Variants in GTPBP1 observed in about 807,000 individuals in gnomAD.
The protein encoded by GTPBP1 is GTP-binding protein 1.
GTPBP1 carries 23 observed loss-of-function variants against 62.0 expected under a neutral mutation model. The ratio of observed to expected loss-of-function variants is 0.37; its 90% CI spans 0.27 to 0.53. The LOEUF is 0.53. Ranked by LOEUF, GTPBP1 falls within the 20% of genes least tolerant of loss-of-function variation. The probability of loss-of-function intolerance (pLI) is 0.89; values close to 1 mark genes in which losing one functional copy is unlikely to be tolerated. For missense variants in GTPBP1, 640 were observed against 917.3 expected, an observed-to-expected ratio of 0.70 and a Z score of 3.90; for synonymous variants, 344 against 364.4, an observed-to-expected ratio of 0.94 and a Z score of 0.64.
downstream of GTPBP1, chr22:38,742,550 C>T: frequency 6.2e-7 from 1 of 1,609,942 alleles, no homozygotes. Context: ...TAACACGCTG[C>T]TCAGCCTGGA....
At chr22:38,738,116 C>T (rs753770163), downstream of GTPBP1, 2 of 1,499,304 alleles carry the variant, frequency 1.3e-6, no homozygotes, top group Non-Finnish European at 1.9e-6. The surrounding 1 kb of genome is among the most constrained non-coding windows in gnomAD (Gnocchi z 6.6). Context: ...CCAGGGAGCA[C>T]CTGCTGCCTG....
intron 5 of GTPBP1, 52 bp downstream of exon 5, chr22:38,721,917 G>GAAGGCACAGCAGGTGA: frequency 6.9e-7 from 1 of 1,453,410 alleles, no homozygotes; most frequent in Non-Finnish European, 9.4e-7. Flanking sequence ...GCTGTCACCT[G>GAAGGCACAGCAGGTGA]CTGTGCCTTC....
intron 10 of GTPBP1, 154 bp downstream of exon 10, chr22:38,728,315 G>T (rs2092737771): frequency 1.6e-6 from 1 of 620,670 alleles, no homozygotes; most frequent in Non-Finnish European, 2.9e-6. Context: ...CTCCCTTAGA[G>T]GTATCCTGTG....
At chr22:38,719,235 G>C (rs1028793792) in intron 4 of GTPBP1, among the ~76,000 whole-genome samples, 1 of 152,136 alleles carries the variant, frequency 6.6e-6, no homozygotes, top group Non-Finnish European at 1.5e-5. Context: ...TGGAACTCCT[G>C]ACCTCCAGCA....
At chr22:38,734,999 G>C (rs2092789852), downstream of GTPBP1, 1 of 300,200 alleles carries the variant, frequency 3.3e-6, no homozygotes. Context: ...CAGTGCCCCA[G>C]GCCCCTCTCC....
At chr22:38,712,363 C>T (rs2092644906) in intron 2 of GTPBP1, among the ~76,000 whole-genome samples, 1 of 151,982 alleles carries the variant, frequency 6.6e-6, no homozygotes, top group Non-Finnish European at 1.5e-5. Context: ...AAAAGTAATC[C>T]AGTAGGATGA....
In GTPBP1 at chr22:38,726,113, C is replaced by T. The variant is rs1389076557; in HGVS notation, c.1181C>T (p.Pro394Leu). The change falls in exon 7 of 12, where the codon CCT becomes CTT. Residue 394 changes from proline to leucine, a missense_variant. By Grantham distance (98) the Pro-to-Leu change is moderately conservative. This residue lies in a region of GTPBP1 where 220 missense variants were observed against 358.1 expected (regional missense o/e 0.61). Coordinates refer to ENST00000216044, the MANE Select transcript of GTPBP1 (RefSeq NM_004286.5). The surrounding 1 kb of genome is among the most constrained non-coding windows in gnomAD (Gnocchi z 4.1). ...CGCACCAGCTACAGGGAGGAGGAGC[C>T]TGCTGAGTTTCAGATTGATGACACC... is the stretch of plus-strand genomic sequence containing the variant. ...SPRTSYREEE[P>L]AEFQIDDTYS... 6.2e-7 allele frequency: 1 copy of T among 1,614,086 alleles called. No individual in the cohort carries two copies. The highest frequency in any genetic ancestry group is 1.7e-5 in the Admixed American group (1 of 60,016).
intron 4 of GTPBP1, among the ~76,000 whole-genome samples, chr22:38,720,231 A>G (rs1411338514): frequency 8.2e-6 from 1 of 122,354 alleles, no homozygotes; most frequent in Non-Finnish European, 1.7e-5. Context: ...CCTGGCCTTT[A>G]TTTTCTTTGA....
intron 10 of GTPBP1, 58 bp from the exon 11 acceptor site, chr22:38,729,404 C>G: frequency 7.5e-7 from 1 of 1,339,406 alleles, no homozygotes; most frequent in Non-Finnish European, 1.0e-6. Flanking sequence ...GGGGGGTAGC[C>G]AAGCCAGTGC....
At chr22:38,742,725 C>G (rs937411287), downstream of GTPBP1, 35 of 801,156 alleles carry the variant, frequency 4.4e-5, no homozygotes, top group Admixed American at 1.5e-4. Context: ...CTGCCGACCT[C>G]TGAGCTGGGT....
chr22:38,717,712 G>T (rs114204933), intron 4 of GTPBP1, among the ~76,000 whole-genome samples: 1 of 152,332 alleles, frequency 6.6e-6, no homozygotes, highest in South Asian at 2.1e-4. Context: ...CTCTGTGTTG[G>T]ATCTCATTGC....
At chr22:38,740,451 G>T (rs2145957432), downstream of GTPBP1, 4 of 1,467,518 alleles carry the variant, frequency 2.7e-6, no homozygotes, top group Non-Finnish European at 3.6e-6. The surrounding 1 kb of genome is among the most constrained non-coding windows in gnomAD (Gnocchi z 4.8). Flanking sequence ...AGAGAGAGAA[G>T]AGTAAGCCTC....
At chr22:38,729,698 TG>T in intron 11 of GTPBP1, 36 bp downstream of exon 11, 1 of 1,399,124 alleles carries the variant, frequency 7.1e-7, no homozygotes, top group East Asian at 2.7e-5. Flanking sequence ...GGCATGGTGG[TG>T]GGGGCTGTGG....
chr22:38,737,671 A>G (rs2092818022), downstream of GTPBP1: 1 of 351,124 alleles, frequency 2.8e-6, no homozygotes, highest in Non-Finnish European at 5.6e-6. The surrounding 1 kb of genome is among the most constrained non-coding windows in gnomAD (Gnocchi z 4.1). Flanking sequence ...GGCTTAGGCC[A>G]ATGGTTTGTT....
At chr22:38,719,267 A>G (rs2092686901) in intron 4 of GTPBP1, among the ~76,000 whole-genome samples, 1 of 152,180 alleles carries the variant, frequency 6.6e-6, no homozygotes, top group Admixed American at 6.5e-5. Context: ...TTGGCCTCCC[A>G]AAGTGCTGAG....
In GTPBP1 at chr22:38,726,509, C is replaced by A; in HGVS notation, c.1401+69C>A. The A allele has an allele frequency of 1.5e-6, 2 of 1,304,856 alleles. No homozygotes were observed. Among genetic ancestry groups the A allele is most frequent in the South Asian group, 1.3e-5 (1 of 79,500 alleles). 80.8% of individuals were successfully genotyped at this position (1,304,856 alleles called of 1,614,324 possible). A position where few individuals can be genotyped will look rare whatever the true frequency, so the allele number is the denominator to read the frequency against. On this transcript the variant is annotated intron_variant, in intron 8 of 11. Coordinates refer to ENST00000216044, the MANE Select transcript of GTPBP1 (RefSeq NM_004286.5). The surrounding 1 kb of genome is among the most constrained non-coding windows in gnomAD (Gnocchi z 4.1). ...GCTAGGCTCTTGGCCAGATGCCCTGCTCACCCACTCTAGTCCTCATGGCTG... is the reference window on the plus strand; with the variant it reads ...GCTAGGCTCTTGGCCAGATGCCCTGATCACCCACTCTAGTCCTCATGGCTG...
At chr22:38,720,360 C>T (rs1446297945) in intron 4 of GTPBP1, among the ~76,000 whole-genome samples, 1 of 151,906 alleles carries the variant, frequency 6.6e-6, no homozygotes, top group Non-Finnish European at 1.5e-5. Flanking sequence ...GCTGGGATTA[C>T]AGGCAACTGC....
downstream of GTPBP1, chr22:38,740,852 C>T (rs2092850700): frequency 6.3e-6 from 5 of 792,372 alleles, no homozygotes; most frequent in South Asian, 1.6e-5. The surrounding 1 kb of genome is among the most constrained non-coding windows in gnomAD (Gnocchi z 4.8). Context: ...AGGCCCTGGG[C>T]AGGGGTCCTG....
Position 38,728,170 on chromosome 22 carries a change from A to G in GTPBP1, c.1716+9A>G, listed in dbSNP as rs375658869. ...TCGGCACCATCACCAAGGTATGGCC[A>G]GGACAGACCTTGCCTGCCTCCAGGA... On this transcript the variant is annotated intron_variant, in intron 10 of 11. Coordinates refer to ENST00000216044, the MANE Select transcript of GTPBP1 (RefSeq NM_004286.5). The G allele has an allele frequency of 3.1e-6, 5 of 1,603,182 alleles. No homozygotes were observed. The highest frequency in any genetic ancestry group is 4.3e-6 in the Non-Finnish European group (5 of 1,171,672).
Sources: gnomAD v4.1 joint callset for allele counts (sites outside exome capture counted in the v4.1 genomes callset) on GRCh38, gnomAD v4.1.1 for gene constraint, gnomAD v4.1.1 regional missense constraint, Gnocchi (gnomAD v3.1) non-coding constraint, MANE v1.5 for transcripts, NCBI Gene and HGNC (gene_info 2026-07-23, HGNC 2026-07-21) for gene names.